Variants in SORCS2 observed in about 807,000 individuals in gnomAD.
The protein encoded by SORCS2 is VPS10 domain-containing receptor SorCS2.
SORCS2 carries 100 observed loss-of-function variants against 141.6 expected under a neutral mutation model. That is an observed-to-expected ratio of 0.71 (90% CI 0.60 to 0.83). SORCS2 has a LOEUF of 0.83. SORCS2 is among the 40% of genes least tolerant of loss of function. The pLI is 0.00. For missense variants in SORCS2, 1,646 were observed against 1,560.2 expected (o/e 1.05, Z -0.93); for synonymous variants, 789 against 676.9 (o/e 1.17, Z -2.57).
At chr4:7,603,837 G>A (rs1455506442) in intron 3 of SORCS2, among the ~76,000 whole-genome samples, 2 of 152,074 alleles carry the variant, frequency 1.3e-5, no homozygotes, top group South Asian at 4.2e-4. Flanking sequence ...GCTAACATGG[G>A]GTCTGGTAAA....
At chr4:7,423,637 G>T (rs1726235498) in intron 2 of SORCS2, among the ~76,000 whole-genome samples, 1 of 152,174 alleles carries the variant, frequency 6.6e-6, no homozygotes, top group Non-Finnish European at 1.5e-5. Flanking sequence ...ACTCTTTGGG[G>T]GACAGGTCAG....
chr4:7,525,656 C>G (rs756930295), intron 2 of SORCS2, among the ~76,000 whole-genome samples: 4 of 152,122 alleles, frequency 2.6e-5, no homozygotes, highest in African/African-American at 9.7e-5. Context: ...CACTCCTCCA[C>G]CTCCTCAGTC....
chr4:7,293,056 C>A (rs1716715285), intron 1 of SORCS2, among the ~76,000 whole-genome samples: 1 of 152,146 alleles, frequency 6.6e-6, no homozygotes, highest in Non-Finnish European at 1.5e-5. Context: ...GCAATCCCAG[C>A]ACTTTGGGAG....
chr4:7,471,796 T>G (rs1156758955), intron 2 of SORCS2, among the ~76,000 whole-genome samples: 1 of 152,214 alleles, frequency 6.6e-6, no homozygotes, highest in Non-Finnish European at 1.5e-5. Flanking sequence ...GGAGGTGATG[T>G]CTGCGGAATG....
chr4:7,193,647 G>C lies in SORCS2; in HGVS notation c.480+521G>C, dbSNP rs1318305794. Reference sequence around the variant, plus strand: ...CCTGTTCTGGGACTCTGGGATTTCTGGGTTACCCCTCTCCCCGGGGTACTC... The same window carrying C: ...CCTGTTCTGGGACTCTGGGATTTCTCGGTTACCCCTCTCCCCGGGGTACTC... On this transcript the variant is annotated intron_variant, in intron 1 of 26. Coordinates refer to ENST00000507866, the MANE Select transcript of SORCS2 (RefSeq NM_020777.3). This position sits in a 1 kb window ranked among gnomAD's most constrained non-coding sequence, Gnocchi z 4.8. 6.6e-6 allele frequency among the ~76,000 whole-genome samples: 1 copy of C among 152,166 alleles called. No homozygotes were observed. The highest frequency in any genetic ancestry group is 2.4e-5 in the African/African-American group (1 of 41,450).
intron 25 of SORCS2, among the ~76,000 whole-genome samples, chr4:7,736,642 T>C (rs886374): frequency 0.72 from 109,148 of 152,076 alleles, 39,255 homozygotes; most frequent in Admixed American, 0.75. Context: ...GACGCCTGGA[T>C]GGGGCTCAGC....
chr4:7,679,595 G>T (rs1018826224), intron 9 of SORCS2, among the ~76,000 whole-genome samples: 1 of 152,190 alleles, frequency 6.6e-6, no homozygotes, highest in Admixed American at 6.5e-5. Context: ...GCGGCCGCAC[G>T]CCAGGGAGGG....
chr4:7,308,533 G>A (rs1424121257), intron 1 of SORCS2, among the ~76,000 whole-genome samples: 2 of 152,158 alleles, frequency 1.3e-5, no homozygotes, highest in Non-Finnish European at 2.9e-5. Flanking sequence ...AGACTGGCCT[G>A]TTACACTGAG....
intron 3 of SORCS2, among the ~76,000 whole-genome samples, chr4:7,629,674 C>T (rs1335710783): frequency 6.6e-6 from 1 of 152,024 alleles, no homozygotes; most frequent in East Asian, 1.9e-4. Context: ...TTTCCGGCAC[C>T]CCCAGCCAGG....
In SORCS2 at chr4:7,664,382, A is replaced by C. The variant is rs1208568267; in HGVS notation, c.982A>C (p.Asn328His). 1.9e-6 allele frequency: 3 copies of C among 1,613,558 alleles called. No individual in the cohort carries two copies. Among genetic ancestry groups the C allele is most frequent in the Non-Finnish European group, 2.5e-6 (3 of 1,179,816 alleles). The change falls in exon 7 of 27, where the codon AAT (asparagine) becomes CAT (histidine). Residue 328 changes from asparagine to histidine, a missense_variant. By Grantham distance (68) the Asn-to-His change is moderately conservative. Coordinates refer to ENST00000507866, the MANE Select transcript of SORCS2 (RefSeq NM_020777.3). The surrounding 1 kb of genome is among the most constrained non-coding windows in gnomAD (Gnocchi z 4.7). ...DFRYVTCAIH[N>H]CSEKMLTAPF... The stretch of plus-strand genomic sequence containing the variant: ...TCGGTACGTCACCTGCGCAATCCAC[A>C]ATTGCTCCGAGAAGATGCTGACAGC...
At chr4:7,724,852 A>AGTGGTGATGATGGTAGTAGTGGTGATG (rs1727048822) in intron 19 of SORCS2, among the ~76,000 whole-genome samples, 1 of 68,842 alleles carries the variant, frequency 1.5e-5, no homozygotes, top group African/African-American at 6.5e-5. Context: ...TGATGGTGGT[A>AGTGGTGATGATGGTAGTAGTGGTGATG]GTGGTGATGG....
chr4:7,429,228 C>T (rs1483346343), intron 2 of SORCS2, among the ~76,000 whole-genome samples: 1 of 152,148 alleles, frequency 6.6e-6, no homozygotes, highest in Non-Finnish European at 1.5e-5. Flanking sequence ...TGCGGCATGG[C>T]TGGAGCTGAG....
chr4:7,703,589 G>C (rs1022325983), intron 13 of SORCS2, among the ~76,000 whole-genome samples: 1 of 152,238 alleles, frequency 6.6e-6, no homozygotes, highest in African/African-American at 2.4e-5. Context: ...TCGGGAGACA[G>C]GCACAGAGGG....
In SORCS2 at chr4:7,681,633, A is replaced by G. The variant is rs546920298; in HGVS notation, c.1342-1110A>G. Among the ~76,000 whole-genome samples the G allele has an allele frequency of 3.3e-5, 5 of 152,322 alleles. No homozygotes were observed. In the East Asian group the frequency reaches 7.7e-4, roughly 24 times the overall value. On this transcript the variant is annotated intron_variant, in intron 9 of 26. Coordinates refer to ENST00000507866, the MANE Select transcript of SORCS2 (RefSeq NM_020777.3). ...GTCTGAAGCCACTGGGTTTGTGACC[A>G]TCTGTTATAGCAGCTGCTGGAAGCT...
At chr4:7,691,463 C>A (rs557338437) in intron 11 of SORCS2, among the ~76,000 whole-genome samples, 1 of 152,114 alleles carries the variant, frequency 6.6e-6, no homozygotes, top group Non-Finnish European at 1.5e-5. Flanking sequence ...ACGGCAGAGA[C>A]CTGGCCTGTC....
Position 7,628,338 on chromosome 4 carries a change from A to T in SORCS2, c.649-9990A>T, listed in dbSNP as rs537868017. ...GAGATCCAGACCATCCTGTGAATGG[A>T]GAAACCCCATCTCTACTAAAAATAC... On this transcript the variant is annotated intron_variant, in intron 3 of 26. Transcript: ENST00000507866. 4.2e-3 allele frequency among the ~76,000 whole-genome samples: 637 copies of T among 152,132 alleles called. 2 individuals carry two copies. The highest frequency in any genetic ancestry group is 7.1e-3 in the Non-Finnish European group (484 of 67,956).
At chr4:7,352,996 G>T (rs764122773) in intron 1 of SORCS2, among the ~76,000 whole-genome samples, 7 of 152,172 alleles carry the variant, frequency 4.6e-5, no homozygotes, top group Non-Finnish European at 1.0e-4. Context: ...GAGAGATGAG[G>T]GTTCTTGTTC....
rs374293494 is a variant in SORCS2 at position 7,704,228 on chromosome 4, C to G, written c.1812C>G (p.Thr604=). ...LTWSTHNFTS[T]SVFVDGLLSE... ...GGAGCACGCACAACTTCACCAGCAC[C>G]TCGGTGTTTGTGGACGGGCTGCTGA... is the stretch of plus-strand genomic sequence containing the variant. The change falls in exon 14 of 27, where the codon ACC becomes ACG. Residue 604 remains threonine (T), a synonymous_variant. Transcript: ENST00000507866. The G allele has an allele frequency of 1.5e-5, 24 of 1,613,154 alleles. No homozygotes were observed. The highest frequency in any genetic ancestry group is 1.6e-4 in the Middle Eastern group (1 of 6,082).
At chr4:7,296,699 G>A (rs1285872010) in intron 1 of SORCS2, among the ~76,000 whole-genome samples, 1 of 152,188 alleles carries the variant, frequency 6.6e-6, no homozygotes, top group African/African-American at 2.4e-5. Context: ...GTGCGGGGAG[G>A]GGTGAACAAG....
Sources: gnomAD v4.1 joint callset for allele counts (sites outside exome capture counted in the v4.1 genomes callset) on GRCh38, gnomAD v4.1.1 for gene constraint, Gnocchi (gnomAD v3.1) non-coding constraint, MANE v1.5 for transcripts, NCBI Gene and HGNC (gene_info 2026-07-23, HGNC 2026-07-21) for gene names.